The following ADAMTSL1 variants were observed in gnomAD, a reference collection of about 807,000 sequenced individuals.
The protein encoded by ADAMTSL1 is ADAMTS like 1, also known as ADAMTS-like protein 1.
A neutral mutation model predicts 201.8 loss-of-function variants in ADAMTSL1; 126 were observed. The observed-to-expected ratio is 0.62, with a 90% CI of 0.54 to 0.72. The LOEUF (loss-of-function observed/expected upper bound fraction) is 0.72, where lower values mean the gene tolerates loss of function less well. Among genes scored for constraint, ADAMTSL1 ranks in the 30% least tolerant of loss-of-function variants. The pLI is 0.00. For synonymous variants in ADAMTSL1, 1,121 were observed against 903.4 expected (o/e 1.24, Z -4.32); for missense variants, 2,679 against 2,277.8 (o/e 1.18, Z -3.59).
chr9:18,533,592 A>T (rs1188553687), intron 3 of ADAMTSL1, among the ~76,000 whole-genome samples: 2 of 152,218 alleles, frequency 1.3e-5, no homozygotes, highest in African/African-American at 4.8e-5. Flanking sequence ...AGGGTTGATA[A>T]AAGGGAAACC....
At chr9:18,823,005 T>A (rs1824310534) in intron 21 of ADAMTSL1, among the ~76,000 whole-genome samples, 2 of 152,210 alleles carry the variant, frequency 1.3e-5, no homozygotes, top group Admixed American at 6.5e-5. Flanking sequence ...TATTGTTTTC[T>A]ATTTCCTCAT....
Position 18,264,596 on chromosome 9 carries a change from C to T in ADAMTSL1, c.207+100615C>T, listed in dbSNP as rs934468314. ...GAAGCTGAATGAAACAGGCCCCCGA[C>T]AGGAGTGAGATTAGACAGTAAAGAA... On this transcript the variant is annotated intron_variant, in intron 2 of 29. Coordinates refer to the ADAMTSL1 transcript ENST00000680146. Among the ~76,000 whole-genome samples, 8 of 152,190 alleles carry T rather than the reference C, an allele frequency of 5.3e-5. No homozygotes were observed. The South Asian group carries it at 1.0e-3, about 20-fold the overall frequency.
chr9:18,888,132 G>A (rs1829019813), intron 24 of ADAMTSL1, 89 bp downstream of exon 24: 1 of 1,350,692 alleles, frequency 7.4e-7, no homozygotes, highest in East Asian at 2.5e-5. Context: ...AGAGATTTCT[G>A]ATCTCCAGTG....
chr9:18,696,374 C>T (rs147427692), intron 13 of ADAMTSL1, among the ~76,000 whole-genome samples: 4 of 152,222 alleles, frequency 2.6e-5, no homozygotes, highest in South Asian at 2.1e-4. Context: ...ATTAGTGTGG[C>T]TGGAGAGAGT....
rs909021311 is a variant in ADAMTSL1, at chr9:17,910,983, T to A, written c.87+4061T>A. Among the ~76,000 whole-genome samples the A allele has an allele frequency of 8.8e-5, 6 of 68,106 alleles. 2 individuals are homozygous for A. The highest frequency in any genetic ancestry group is 1.8e-4 in the African/African-American group (6 of 33,824). 44.7% of individuals were successfully genotyped at this position (68,106 alleles called of 152,430 possible). ...ACAAACAGACCTCCCGTGTAGATAC[T>A]GTAGCTATAGTGAAAGGAGACTGTG... On this transcript the variant is annotated intron_variant, in intron 1 of 29. Coordinates refer to the ADAMTSL1 transcript ENST00000680146.
intron 1 of ADAMTSL1, among the ~76,000 whole-genome samples, chr9:18,122,266 A>C (rs1462902535): frequency 6.6e-6 from 1 of 152,202 alleles, no homozygotes; most frequent in Non-Finnish European, 1.5e-5. Context: ...GAAACAACCT[A>C]CATATCCATG....
chr9:17,986,579 A>C (rs1309997510), intron 1 of ADAMTSL1, among the ~76,000 whole-genome samples: 1 of 152,102 alleles, frequency 6.6e-6, no homozygotes, highest in African/African-American at 2.4e-5. Flanking sequence ...ACACATGCTC[A>C]AGTTAAGATT....
chr9:18,313,311 C>T (rs1023635436), intron 2 of ADAMTSL1, among the ~76,000 whole-genome samples: 2 of 152,106 alleles, frequency 1.3e-5, no homozygotes, highest in Non-Finnish European at 2.9e-5. Context: ...CCTTAGGTAC[C>T]GATATTTTTT....
At chr9:18,282,997 C>A (rs1448552704) in intron 2 of ADAMTSL1, among the ~76,000 whole-genome samples, 4 of 152,116 alleles carry the variant, frequency 2.6e-5, no homozygotes, top group Admixed American at 1.3e-4. Flanking sequence ...ATCTTCTGTA[C>A]CTTTTCTGAA....
chr9:18,456,529 A>G (rs1820612783), intron 2 of ADAMTSL1, among the ~76,000 whole-genome samples: 1 of 152,206 alleles, frequency 6.6e-6, no homozygotes, highest in Admixed American at 6.5e-5. Context: ...TGGCAGCCTG[A>G]ACAAAGGTAA....
intron 2 of ADAMTSL1, among the ~76,000 whole-genome samples, chr9:18,287,452 T>C (rs1436970932): frequency 6.6e-6 from 1 of 151,572 alleles, no homozygotes. Context: ...GTATGTGTAT[T>C]TTACACATAT....
At chr9:18,740,843 G>A (rs182710867) in intron 15 of ADAMTSL1, among the ~76,000 whole-genome samples, 18 of 152,190 alleles carry the variant, frequency 1.2e-4, no homozygotes, top group Admixed American at 1.0e-3. Flanking sequence ...CTTCATGGAA[G>A]CATTCTTATA....
At position 18,421,736 on chromosome 9, in the gene ADAMTSL1, A is replaced by T. The variant is rs541642442; in HGVS notation, c.208-83093A>T. Among the ~76,000 whole-genome samples, 384 of 152,314 alleles carry T rather than the reference A, an allele frequency of 2.5e-3. 2 individuals carry two copies. The highest frequency in any genetic ancestry group is 6.8e-3 in the Middle Eastern group (2 of 294). ...TGAGTACAGATTGCTGTACAGAATG[A>T]TAATAACTTGTAAGAACTTTGCAGT... is the stretch of plus-strand genomic sequence containing the variant. On this transcript the variant is annotated intron_variant, in intron 2 of 29. Transcript: ENST00000680146.
Position 18,716,941 on chromosome 9 carries a change from A to T in ADAMTSL1, c.1877-4595A>T, listed in dbSNP as rs981692533. 3.5e-4 allele frequency among the ~76,000 whole-genome samples: 50 copies of T among 141,658 alleles called. 1 individual carries two copies. The highest frequency in any genetic ancestry group is 6.4e-4 in the Non-Finnish European group (41 of 64,408). 92.9% of individuals were successfully genotyped at this position (141,658 alleles called of 152,430 possible). On this transcript the variant is annotated intron_variant, in intron 14 of 28. Transcript: ENST00000380548. ...TGATGAGTTCATGTCCTTTGTAGGG[A>T]CATGGATGAAATTGGAAATCATCAT...
chr9:18,739,919 GT>G (rs1818723125), intron 15 of ADAMTSL1, among the ~76,000 whole-genome samples: 1 of 151,964 alleles, frequency 6.6e-6, no homozygotes, highest in Non-Finnish European at 1.5e-5. Context: ...GTGTGTGTGT[GT>G]GTGTGTGTGT....
At chr9:17,955,523 A>G (rs1209814219) in intron 1 of ADAMTSL1, among the ~76,000 whole-genome samples, 2 of 152,206 alleles carry the variant, frequency 1.3e-5, no homozygotes, top group Admixed American at 1.3e-4. Context: ...TTGGTCCAAA[A>G]CATTAAGTGA....
chr9:18,317,879 G>T (rs770529406), intron 2 of ADAMTSL1, among the ~76,000 whole-genome samples: 1 of 152,166 alleles, frequency 6.6e-6, no homozygotes, highest in East Asian at 1.9e-4. Flanking sequence ...TAATCCCAGC[G>T]CCTAGAGAAC....
At chr9:18,461,351 A>AT (rs1369133381) in intron 2 of ADAMTSL1, among the ~76,000 whole-genome samples, 3 of 151,966 alleles carry the variant, frequency 2.0e-5, no homozygotes, top group African/African-American at 7.3e-5. Flanking sequence ...TTTTCATGTA[A>AT]TTTTTTTAAC....
At chr9:17,942,417 T>C (rs1755279) in intron 1 of ADAMTSL1, among the ~76,000 whole-genome samples, 82,025 of 151,984 alleles carry the variant, frequency 0.54, 22,857 homozygotes, top group East Asian at 0.92. Context: ...TCATAAATGA[T>C]GTCACTGTCT....
Sources: allele counts gnomAD v4.1 joint callset (sites outside exome capture counted in the v4.1 genomes callset), GRCh38; gene constraint gnomAD v4.1.1; transcripts MANE v1.5; gene names NCBI Gene and HGNC (gene_info 2026-07-23, HGNC 2026-07-21).